The following CROT variants were observed in gnomAD, a reference collection of about 807,000 sequenced individuals.
The protein encoded by CROT is peroxisomal carnitine O-octanoyltransferase.
CROT carries 84 observed loss-of-function variants against 89.2 expected under a neutral mutation model. The ratio of observed to expected loss-of-function variants is 0.94; its 90% CI spans 0.79 to 1.13. CROT has a LOEUF of 1.13. Among genes scored for constraint, CROT ranks in the 50% most tolerant of loss-of-function variants. The pLI is 0.00. For missense variants in CROT, 711 were observed against 727.8 expected (o/e 0.98, Z 0.27); for synonymous variants, 212 against 239.5 (o/e 0.89, Z 1.06).
intron 7 of CROT, among the ~76,000 whole-genome samples, chr7:87,370,955 A>G (rs1400884619): frequency 6.6e-6 from 1 of 152,222 alleles, no homozygotes; most frequent in Admixed American, 6.5e-5. Flanking sequence ...GGAGTTCCTT[A>G]CATTCTGGGT....
intron 13 of CROT, among the ~76,000 whole-genome samples, chr7:87,385,345 T>G (rs1477688260): frequency 6.6e-6 from 1 of 152,170 alleles, no homozygotes; most frequent in African/African-American, 2.4e-5. Flanking sequence ...GTCTTTCCAT[T>G]TTTTGGTGTT....
chr7:87,383,497 CT>C (rs35655724), intron 13 of CROT, among the ~76,000 whole-genome samples: 92,153 of 130,292 alleles, frequency 0.71, 32,375 homozygotes, highest in Middle Eastern at 0.8. Context: ...ATGTATATCA[CT>C]TTTTTTTTTT....
At position 87,375,833 on chromosome 7, in the gene CROT, A is replaced by G; in HGVS notation, c.756A>G (p.Arg252=). The change falls in exon 9 of 18, where the codon CGA becomes CGG. Residue 252 remains arginine (R), a synonymous_variant. Coordinates refer to ENST00000331536, the MANE Select transcript of CROT (RefSeq NM_021151.4). ...SEERTRWAKA[R]EYLIGLDPEN... is the part of the protein sequence containing the mutation. The stretch of plus-strand genomic sequence containing the variant: ...ATCATCTCCTTGCCCTTTAGGCACG[A>G]GAATATCTGATTGGTCTTGATCCAG... The G allele has an allele frequency of 3.1e-6, 5 of 1,613,492 alleles. No individual in the cohort carries two copies. The highest frequency in any genetic ancestry group is 4.2e-6 in the Non-Finnish European group (5 of 1,179,572).
chr7:87,397,791 A>G (rs547184225), intron 17 of CROT, among the ~76,000 whole-genome samples: 1 of 152,324 alleles, frequency 6.6e-6, no homozygotes, highest in South Asian at 2.1e-4. Context: ...CATGTTGAAG[A>G]CATAATTTAC....
intron 13 of CROT, among the ~76,000 whole-genome samples, chr7:87,389,794 T>A (rs981270599): frequency 2.7e-5 from 4 of 147,770 alleles, no homozygotes; most frequent in Non-Finnish European, 4.5e-5. Flanking sequence ...TGCAAAGCCT[T>A]CAAATAGATG....
intron 3 of CROT, among the ~76,000 whole-genome samples, chr7:87,350,404 C>T (rs931433531): frequency 2.0e-5 from 3 of 151,922 alleles, no homozygotes; most frequent in African/African-American, 2.4e-5. Context: ...CATTGAAAGC[C>T]GCACCAGTAT....
At chr7:87,374,442 G>A (rs1227421284) in intron 7 of CROT, among the ~76,000 whole-genome samples, 1 of 152,040 alleles carries the variant, frequency 6.6e-6, no homozygotes, top group Non-Finnish European at 1.5e-5. Flanking sequence ...GTGCTTTGAG[G>A]TAGTTGGTAA....
rs368998359 is a variant in CROT, at chr7:87,369,470, G to T, written c.642G>T (p.Pro214=). ...TACATGAAGGATGTTTGGTCACCCCGCCAGAGCTTCTCAGGTTTTCAGACT... is the reference window on the plus strand; with the variant it reads ...TACATGAAGGATGTTTGGTCACCCCTCCAGAGCTTCTCAGGTTTTCAGACT... ...DVIHEGCLVT[P]PELLRQLTYI... Residue 214 remains proline, a synonymous_variant, in exon 7 of 18, where the codon CCG becomes CCT. Transcript: ENST00000331536. 3.7e-6 allele frequency: 6 copies of T among 1,610,262 alleles called. No individual in the cohort carries two copies. In the African/African-American group the frequency reaches 4.0e-5, roughly 11 times the overall value.
intron 7 of CROT, among the ~76,000 whole-genome samples, chr7:87,370,355 G>T (rs183892464): frequency 9.2e-5 from 14 of 152,110 alleles, no homozygotes; most frequent in Non-Finnish European, 2.1e-4. Flanking sequence ...GCTAATTATT[G>T]TATTTTTAGT....
chr7:87,373,199 G>A (rs989987707), intron 7 of CROT, among the ~76,000 whole-genome samples: 3 of 152,062 alleles, frequency 2.0e-5, no homozygotes, highest in African/African-American at 7.2e-5. Flanking sequence ...TGATGTTAAA[G>A]ATTTTTTCAC....
intron 8 of CROT, 50 bp downstream of exon 8, chr7:87,375,775 T>G: frequency 6.2e-7 from 1 of 1,612,414 alleles, no homozygotes; most frequent in Non-Finnish European, 8.5e-7. Flanking sequence ...CAAACTCTTT[T>G]GATGTATTGT....
chr7:87,365,916 T>G (rs1041592880), intron 6 of CROT, among the ~76,000 whole-genome samples: 10 of 152,130 alleles, frequency 6.6e-5, no homozygotes, highest in African/African-American at 2.2e-4. Flanking sequence ...GTTGTTTATT[T>G]ATTTGTTTTT....
rs148267387 is a variant in CROT, at chr7:87,392,992, A to G, written c.1643A>G (p.Tyr548Cys). The change falls in exon 17 of 18, where the codon TAT becomes TGT. Residue 548 changes from tyrosine to cysteine, a missense_variant. Tyr to Cys is a radical substitution (Grantham distance 194). Transcript: ENST00000331536. ...GTTCTCTCAACAAGTCTGGTTGGCT[A>G]TTTACGAGTCCAGGGAGTGGTAGTT... ...NFVLSTSLVG[Y>C]LRVQGVVVPM... 1.9e-6 allele frequency: 3 copies of G among 1,613,694 alleles called. No homozygotes were observed. In the East Asian group the frequency reaches 6.7e-5, roughly 36 times the overall value.
chr7:87,383,721 T>C (rs925584791), intron 13 of CROT, among the ~76,000 whole-genome samples: 5 of 152,114 alleles, frequency 3.3e-5, no homozygotes, highest in African/African-American at 1.2e-4. Flanking sequence ...GGTCTCTAAC[T>C]CCTGAGCTCA....
Position 87,378,346 on chromosome 7 carries a change from C to CAAAA in CROT, c.978+909_978+912dup, listed in dbSNP as rs33929613. ...GGGAAACAGACTGAGACTCCGACTC[C>CAAAA]AAAAAAAAAAAAAAAAGGGTTCAGT... On this transcript the variant is annotated intron_variant, in intron 10 of 17. Transcript: ENST00000331536. 5.3e-5 allele frequency among the ~76,000 whole-genome samples: 7 copies of CAAAA among 132,874 alleles called. 1 individual carries two copies. The highest frequency in any genetic ancestry group is 2.2e-4 in the East Asian group (1 of 4,482). 87.2% of individuals were successfully genotyped at this position (132,874 alleles called of 152,430 possible).
intron 13 of CROT, 66 bp downstream of exon 13, chr7:87,382,609 A>G: frequency 2.0e-6 from 3 of 1,492,100 alleles, no homozygotes; most frequent in Non-Finnish European, 2.7e-6. Flanking sequence ...TTTTATAGCT[A>G]TTTCATCCTA....
intron 8 of CROT, 50 bp downstream of exon 8, chr7:87,375,775 T>A: frequency 6.2e-7 from 1 of 1,612,414 alleles, no homozygotes; most frequent in Non-Finnish European, 8.5e-7. Flanking sequence ...CAAACTCTTT[T>A]GATGTATTGT....
At chr7:87,361,925 C>T in intron 6 of CROT, 73 bp downstream of exon 6, 1 of 1,330,274 alleles carries the variant, frequency 7.5e-7, no homozygotes, top group Admixed American at 2.5e-5. Context: ...CGTGATGGAA[C>T]ATACACTTTT....
chr7:87,376,042 T>TA, intron 9 of CROT, 89 bp downstream of exon 9: 1 of 1,299,538 alleles, frequency 7.7e-7, no homozygotes, highest in Non-Finnish European at 1.0e-6. Context: ...TTTCTTTTTC[T>TA]ACCTTTAGGC....
Sources: gnomAD v4.1 joint callset for allele counts (sites outside exome capture counted in the v4.1 genomes callset) on GRCh38, gnomAD v4.1.1 for gene constraint, MANE v1.5 for transcripts, NCBI Gene and HGNC (gene_info 2026-07-23, HGNC 2026-07-21) for gene names.